IMPA1: variants seen among roughly 807,000 people sequenced by gnomAD.
IMPA1 encodes the protein D-galactose 1-phosphate phosphatase.
In IMPA1, 21 loss-of-function variants were observed where a neutral mutation model predicts 34.9. That is an observed-to-expected ratio of 0.60 (90% CI 0.43 to 0.87). The LOEUF (loss-of-function observed/expected upper bound fraction) is 0.87, where lower values mean the gene tolerates loss of function less well. Ranked by LOEUF, IMPA1 falls within the 40% of genes least tolerant of loss-of-function variation. The probability of loss-of-function intolerance (pLI) is 0.00; values close to 1 mark genes in which losing one functional copy is unlikely to be tolerated. For missense variants in IMPA1, 299 were observed against 336.4 expected, an observed-to-expected ratio of 0.89 and a Z score of 0.87; for synonymous variants, 95 against 104.4, an observed-to-expected ratio of 0.91 and a Z score of 0.55.
At chr8:81,674,822 G>A (rs992323480) in intron 5 of IMPA1, 13 of 455,206 alleles carry the variant, frequency 2.9e-5, no homozygotes, top group Non-Finnish European at 4.4e-5. Context: ...AAGAACCTAC[G>A]GTTCCAAACC....
At chr8:81,660,024 G>A (rs1334671050) in intron 8 of IMPA1, among the ~76,000 whole-genome samples, 1 of 152,194 alleles carries the variant, frequency 6.6e-6, no homozygotes, top group Non-Finnish European at 1.5e-5. Flanking sequence ...TAGGCCAAGG[G>A]TGTCGAATAT....
chr8:81,683,195 G>A (rs1038262545), intron 1 of IMPA1, among the ~76,000 whole-genome samples: 1 of 152,194 alleles, frequency 6.6e-6, no homozygotes, highest in African/African-American at 2.4e-5. Flanking sequence ...AAGGGAAACA[G>A]GAGAGATAAA....
intron 5 of IMPA1, 54 bp from the exon 6 acceptor site, chr8:81,674,003 T>C (rs1031903625): frequency 1.9e-6 from 2 of 1,077,274 alleles, no homozygotes; most frequent in East Asian, 4.7e-5. Flanking sequence ...TCATCCACTT[T>C]TTTCTAAGAA....
At position 81,676,994 on chromosome 8, in the gene IMPA1, T is replaced by TA. The variant is rs376763685; in HGVS notation, c.303-716dup. 1.2e-3 allele frequency among the ~76,000 whole-genome samples: 183 copies of TA among 150,702 alleles called. 1 individual carries two copies. The East Asian group carries it at 0.02, about 17-fold the overall frequency. On this transcript the variant is annotated intron_variant, in intron 4 of 8. Coordinates refer to ENST00000256108, the MANE Select transcript of IMPA1 (RefSeq NM_005536.4). ...GGGTGACAGAGATGCTGTCCCCCTT[T>TA]AAAAAAAAAGCCAAAATGTAAAAAC...
intron 7 of IMPA1, among the ~76,000 whole-genome samples, chr8:81,662,403 A>G (rs970095738): frequency 5.3e-5 from 8 of 152,230 alleles, no homozygotes; most frequent in Non-Finnish European, 4.4e-5. Flanking sequence ...ACTTCTAATG[A>G]GCACCATGGG....
chr8:81,659,577 T>C, intron 8 of IMPA1, 111 bp from the exon 9 acceptor site: 2 of 640,280 alleles, frequency 3.1e-6, no homozygotes, highest in South Asian at 3.8e-5. Context: ...ACTTTCAGTT[T>C]TCTTAAACAA....
chr8:81,668,006 G>A (rs937358435), intron 7 of IMPA1, among the ~76,000 whole-genome samples: 2 of 151,948 alleles, frequency 1.3e-5, no homozygotes, highest in Non-Finnish European at 2.9e-5. Flanking sequence ...TGTATTTTTA[G>A]TAGAGACAGG....
intron 7 of IMPA1, among the ~76,000 whole-genome samples, chr8:81,670,346 A>G (rs1452543895): frequency 6.6e-6 from 1 of 151,824 alleles, no homozygotes; most frequent in Non-Finnish European, 1.5e-5. Context: ...GAATTATAAT[A>G]AATTTTCTAA....
intron 5 of IMPA1, chr8:81,674,190 CT>C: frequency 2.5e-6 from 1 of 394,186 alleles, no homozygotes; most frequent in Non-Finnish European, 4.6e-6. Flanking sequence ...ACTTCTCTTC[CT>C]CCTGCTTCGG....
chr8:81,678,240 G>C (rs946679583), intron 4 of IMPA1, among the ~76,000 whole-genome samples: 4 of 151,766 alleles, frequency 2.6e-5, no homozygotes, highest in African/African-American at 9.7e-5. Context: ...GCTGAGGAGA[G>C]GGGCCTCCTC....
intron 7 of IMPA1, 142 bp downstream of exon 7, chr8:81,670,797 C>A: frequency 1.9e-6 from 1 of 515,742 alleles, no homozygotes. Context: ...TCAGTGGTTT[C>A]ATGGTTATGG....
intron 7 of IMPA1, among the ~76,000 whole-genome samples, chr8:81,663,088 C>G (rs1383057019): frequency 3.9e-5 from 6 of 152,070 alleles, no homozygotes; most frequent in Non-Finnish European, 8.8e-5. Context: ...GTCAGTACTT[C>G]TTAGTAATAT....
chr8:81,681,175 AAT>A lies in IMPA1; in HGVS notation c.63+321_63+322del, dbSNP rs539031976. Among the ~76,000 whole-genome samples, 444 of 152,300 alleles carry A rather than the reference AAT, an allele frequency of 2.9e-3. 5 individuals carry two copies. Among genetic ancestry groups the A allele is most frequent in the African/African-American group, 0.01 (425 of 41,562 alleles). On this transcript the variant is annotated intron_variant, in intron 2 of 8. Transcript: ENST00000256108. ...CTTTGGGAGGCCAAGGTGGTCCAGG[AAT>A]TCAAGACCAGCCTGGACAACACAGC...
At chr8:81,674,941 C>T in intron 5 of IMPA1, 1 of 416,068 alleles carries the variant, frequency 2.4e-6, no homozygotes, top group Non-Finnish European at 4.8e-6. Flanking sequence ...CCAATTTTGG[C>T]ATTTCCTTGG....
Position 81,659,217 on chromosome 8 carries a change from G to A in IMPA1, c.*134C>T. The A allele has an allele frequency of 1.5e-6, 1 of 659,062 alleles. No individual in the cohort carries two copies. Among genetic ancestry groups the A allele is most frequent in the Non-Finnish European group, 2.7e-6 (1 of 370,590 alleles). 40.8% of individuals were successfully genotyped at this position (659,062 alleles called of 1,614,324 possible). ...TGCAAACCTAGACATAGTAAAATAAGAAACAAGTTCCAAATTTTTGACCTG... is the reference window on the plus strand; with the variant it reads ...TGCAAACCTAGACATAGTAAAATAAAAAACAAGTTCCAAATTTTTGACCTG... On this transcript the variant is annotated 3_prime_UTR_variant, in exon 9 of 9. Coordinates refer to ENST00000256108, the MANE Select transcript of IMPA1 (RefSeq NM_005536.4).
chr8:81,679,786 G>C (rs1242601524), intron 3 of IMPA1, among the ~76,000 whole-genome samples: 1 of 152,072 alleles, frequency 6.6e-6, no homozygotes. Flanking sequence ...ACTAGGGTAA[G>C]GTGTGTGCAC....
intron 3 of IMPA1, among the ~76,000 whole-genome samples, chr8:81,679,937 C>T (rs1807243707): frequency 6.6e-6 from 1 of 151,866 alleles, no homozygotes; most frequent in South Asian, 2.1e-4. Context: ...GAGTTCAACA[C>T]CAGCCTGACC....
rs139555224 is a variant in IMPA1 at position 81,679,182 on chromosome 8, G to T, written c.246C>A (p.Thr82=). The part of the protein sequence containing the change: ...SVAAGEKSIL[T]DNPTWIIDPI... Reference sequence around the variant, plus strand: ...GGTCAATGATCCATGTGGGGTTGTCGGTTAAGATACTTTTTTCCCCAGCTG... The same window carrying T: ...GGTCAATGATCCATGTGGGGTTGTCTGTTAAGATACTTTTTTCCCCAGCTG... The change falls in exon 4 of 9, where the codon ACC becomes ACA. Residue 82 remains threonine, a synonymous_variant. Coordinates refer to ENST00000256108, the MANE Select transcript of IMPA1 (RefSeq NM_005536.4). The T allele has an allele frequency of 5.0e-5, 81 of 1,613,914 alleles. No individual in the cohort carries two copies. In the African/African-American group the frequency reaches 9.9e-4, roughly 20 times the overall value.
chr8:81,681,472 A>G, intron 2 of IMPA1, 26 bp downstream of exon 2: 3 of 1,283,370 alleles, frequency 2.3e-6, no homozygotes, highest in Middle Eastern at 5.1e-4. Flanking sequence ...ATAATTGATT[A>G]TAATTGACAA....
Sources: allele counts gnomAD v4.1 joint callset (sites outside exome capture counted in the v4.1 genomes callset), GRCh38; gene constraint gnomAD v4.1.1; transcripts MANE v1.5; gene names NCBI Gene and HGNC (gene_info 2026-07-23, HGNC 2026-07-21).